MTMR7: variants seen among roughly 807,000 people sequenced by gnomAD.
MTMR7 encodes phosphatidylinositol-3-phosphate phosphatase MTMR7.
Under a neutral mutation model 81.2 loss-of-function variants are expected in MTMR7, and 76 were observed. That is an observed-to-expected ratio of 0.94 (90% CI 0.78 to 1.13). The LOEUF (loss-of-function observed/expected upper bound fraction) is 1.13, where lower values mean the gene tolerates loss of function less well. Among genes scored for constraint, MTMR7 ranks in the 50% most tolerant of loss-of-function variants. The pLI, the probability that MTMR7 is intolerant of heterozygous loss-of-function variation, is 0.00. For missense variants in MTMR7, 1,044 were observed against 820.0 expected (o/e 1.27, Z -3.34); for synonymous variants, 372 against 289.8 (o/e 1.28, Z -2.88).
chr8:17,383,784 T>C (rs527608994), intron 1 of MTMR7, among the ~76,000 whole-genome samples: 1 of 150,982 alleles, frequency 6.6e-6, no homozygotes, highest in African/African-American at 2.5e-5. Flanking sequence ...GACTCGGTTC[T>C]CCCGGTGGTC....
intron 1 of MTMR7, among the ~76,000 whole-genome samples, chr8:17,383,204 G>C (rs1364495747): frequency 1.3e-5 from 2 of 152,114 alleles, no homozygotes; most frequent in Non-Finnish European, 2.9e-5. Flanking sequence ...ACTTAACTAA[G>C]TGCTGATGCC....
chr8:17,369,982 A>G (rs550486231), intron 3 of MTMR7, among the ~76,000 whole-genome samples: 1 of 152,064 alleles, frequency 6.6e-6, no homozygotes, highest in East Asian at 1.9e-4. Context: ...ACCACAACTC[A>G]CACAAGCCAC....
In MTMR7 at chr8:17,311,519, C is replaced by T. The variant is rs1438846383; in HGVS notation, c.1093G>A (p.Gly365Ser). The change falls in exon 9 of 14, where the codon GGC becomes AGC. Residue 365 changes from glycine to serine, a missense_variant. By Grantham distance (56) the Gly-to-Ser change is moderately conservative. Transcript: ENST00000180173. ...LLDPHYRTLKGFMVLIEKDWI... is the reference protein window; with the variant it reads ...LLDPHYRTLKSFMVLIEKDWI... ...CCAGTGGCCACACTCACCATGAAGC[C>T]CTTCAGAGTCCGGTAGTGAGGGTCC... 1.9e-6 allele frequency: 3 copies of T among 1,614,120 alleles called. No homozygotes were observed.
chr8:17,321,799 A>G (rs1254797469), intron 7 of MTMR7, among the ~76,000 whole-genome samples: 3 of 152,226 alleles, frequency 2.0e-5, no homozygotes, highest in African/African-American at 4.8e-5. Flanking sequence ...GCCCAGGTCT[A>G]GTGATATTTG....
chr8:17,380,257 C>G (rs979238183), intron 1 of MTMR7, among the ~76,000 whole-genome samples: 1 of 152,130 alleles, frequency 6.6e-6, no homozygotes, highest in African/African-American at 2.4e-5. Context: ...GAAAAATCAC[C>G]AAATAACAAT....
chr8:17,356,050 C>T (rs1458830065), intron 4 of MTMR7, among the ~76,000 whole-genome samples: 1 of 152,222 alleles, frequency 6.6e-6, no homozygotes, highest in Non-Finnish European at 1.5e-5. Context: ...ATCCCACTTT[C>T]ATCCTTGTGT....
At chr8:17,347,089 G>A (rs1378074064) in intron 5 of MTMR7, among the ~76,000 whole-genome samples, 1 of 151,654 alleles carries the variant, frequency 6.6e-6, no homozygotes, top group African/African-American at 2.4e-5. Flanking sequence ...AGTGACTCGG[G>A]AGGCTGAGAT....
At chr8:17,337,863 T>A (rs1455690258) in intron 6 of MTMR7, among the ~76,000 whole-genome samples, 1 of 152,160 alleles carries the variant, frequency 6.6e-6, no homozygotes, top group Non-Finnish European at 1.5e-5. Context: ...AACAAGTAAT[T>A]CTGAGGCTTT....
intron 1 of MTMR7, among the ~76,000 whole-genome samples, chr8:17,392,253 G>A (rs757381151): frequency 7.2e-5 from 11 of 152,154 alleles, no homozygotes; most frequent in Non-Finnish European, 1.6e-4. Context: ...TCCTCCAGAT[G>A]TAAGACAGAA....
intron 7 of MTMR7, among the ~76,000 whole-genome samples, chr8:17,318,876 C>G (rs916500048): frequency 6.6e-6 from 1 of 152,018 alleles, no homozygotes; most frequent in East Asian, 1.9e-4. Context: ...GTGACTTGTC[C>G]TCTGCTCTTC....
chr8:17,300,175 C>G lies in MTMR7; in HGVS notation c.1670G>C (p.Ser557Thr), dbSNP rs1723386425. Residue 557 changes from serine (S) to threonine (T), a missense_variant, in exon 14 of 14, where the codon AGT becomes ACT. Coordinates refer to ENST00000180173, the MANE Select transcript of MTMR7 (RefSeq NM_004686.5). ...KVQLNCTKVKSKQSEPSKHSG... is the reference protein window; with the variant it reads ...KVQLNCTKVKTKQSEPSKHSG... ...GTGCTTGCTGGGCTCACTTTGCTTA[C>G]TCTTCACCTTAGTGCAATTTAACTG... 1 of 1,613,966 alleles carries G rather than the reference C, an allele frequency of 6.2e-7. No individual in the cohort carries two copies. The highest frequency in any genetic ancestry group is 8.5e-7 in the Non-Finnish European group (1 of 1,179,982).
chr8:17,351,267 A>C (rs1819721318), intron 4 of MTMR7, among the ~76,000 whole-genome samples: 1 of 152,242 alleles, frequency 6.6e-6, no homozygotes, highest in African/African-American at 2.4e-5. Context: ...AGATTTGTCA[A>C]CATGCTTATT....
intron 7 of MTMR7, among the ~76,000 whole-genome samples, chr8:17,329,565 C>G (rs1050527285): frequency 2.0e-5 from 3 of 152,208 alleles, no homozygotes; most frequent in Admixed American, 2.0e-4. Flanking sequence ...TGTATGCTAT[C>G]AGCACTGGTA....
In MTMR7 at chr8:17,313,415, C is replaced by G; in HGVS notation, c.866-14G>C. 1 of 1,573,146 alleles carries G rather than the reference C, an allele frequency of 6.4e-7. No homozygotes were observed. Among genetic ancestry groups the G allele is most frequent in the South Asian group, 1.1e-5 (1 of 87,398 alleles). ...TAAGTTCACACACTGCAAGATAAAT[C>G]ATGTTATAAAAGCAAAATTAAGGTA... is the stretch of plus-strand genomic sequence containing the variant. On this transcript the variant is annotated splice_polypyrimidine_tract_variant and intron_variant, in intron 7 of 13. Coordinates refer to ENST00000180173, the MANE Select transcript of MTMR7 (RefSeq NM_004686.5).
intron 1 of MTMR7, among the ~76,000 whole-genome samples, chr8:17,383,200 C>T (rs749338017): frequency 4.6e-5 from 7 of 152,120 alleles, no homozygotes; most frequent in Admixed American, 3.9e-4. Flanking sequence ...CCCTACTTAA[C>T]TAAGTGCTGA....
Position 17,307,973 on chromosome 8 carries a change from C to T in MTMR7, c.1151+1304G>A, listed in dbSNP as rs189622169. Among the ~76,000 whole-genome samples the T allele has an allele frequency of 8.6e-4, 131 of 151,872 alleles. 2 individuals are homozygous for T. The highest frequency in any genetic ancestry group is 3.1e-3 in the African/African-American group (130 of 41,384). On this transcript the variant is annotated intron_variant, in intron 10 of 13. Coordinates refer to ENST00000180173, the MANE Select transcript of MTMR7 (RefSeq NM_004686.5). ...TAATGGGTGCAGCACACCAACATGGCACATGTATATATATGTAACAAACCT... is the reference window on the plus strand; with the variant it reads ...TAATGGGTGCAGCACACCAACATGGTACATGTATATATATGTAACAAACCT...
At position 17,334,177 on chromosome 8, in the gene MTMR7, A is replaced by T. The variant is rs190313810; in HGVS notation, c.733-2895T>A. Among the ~76,000 whole-genome samples, 550 of 152,260 alleles carry T rather than the reference A, an allele frequency of 3.6e-3. 3 individuals are homozygous for T. Among genetic ancestry groups the T allele is most frequent in the Non-Finnish European group, 5.6e-3 (384 of 68,012 alleles). Reference sequence around the variant, plus strand: ...ATATTTCATCTACCAGCTGAAGTGTAATTTCTTAGGATCTCCACCTTTTTT... The same window carrying T: ...ATATTTCATCTACCAGCTGAAGTGTTATTTCTTAGGATCTCCACCTTTTTT... On this transcript the variant is annotated intron_variant, in intron 6 of 13. Transcript: ENST00000180173.
chr8:17,299,821 T>C lies in MTMR7; in HGVS notation c.*41A>G. On this transcript the variant is annotated 3_prime_UTR_variant, in exon 14 of 14. Coordinates refer to ENST00000180173, the MANE Select transcript of MTMR7 (RefSeq NM_004686.5). Reference sequence around the variant, plus strand: ...CCTTGTTCCCTTGTTTTTGGAAGTGTTGCTTATGTGTCCTTTACTTTGGAA... The same window carrying C: ...CCTTGTTCCCTTGTTTTTGGAAGTGCTGCTTATGTGTCCTTTACTTTGGAA... 6.2e-7 allele frequency: 1 copy of C among 1,602,728 alleles called. No individual in the cohort carries two copies. The highest frequency in any genetic ancestry group is 8.5e-7 in the Non-Finnish European group (1 of 1,173,156).
At position 17,349,072 on chromosome 8, in the gene MTMR7, A is replaced by C. The variant is rs1479430586; in HGVS notation, c.478T>G (p.Ser160Ala). The change falls in exon 5 of 14, where the codon TCT (serine) becomes GCT (alanine). Residue 160 changes from serine to alanine, a missense_variant. Physicochemically the swap from Ser to Ala is moderately conservative, Grantham distance 99. Transcript: ENST00000180173. The stretch of plus-strand genomic sequence containing the variant: ...GGAACGTACAGTTCAGTAGGATAAG[A>C]GTCACAGACCTGTCACCAGAAAATA... ...DVNRDYRVCDSYPTELYVPKS... is the reference protein window; with the variant it reads ...DVNRDYRVCDAYPTELYVPKS... The C allele has an allele frequency of 6.2e-7, 1 of 1,611,826 alleles. No homozygotes were observed. The highest frequency in any genetic ancestry group is 2.2e-5 in the East Asian group (1 of 44,816).
Sources: gnomAD v4.1 joint callset for allele counts (sites outside exome capture counted in the v4.1 genomes callset) on GRCh38, gnomAD v4.1.1 for gene constraint, MANE v1.5 for transcripts, NCBI Gene and HGNC (gene_info 2026-07-23, HGNC 2026-07-21) for gene names.